The following SWT1 variants were observed in gnomAD, a reference collection of about 807,000 sequenced individuals.
SWT1 encodes transcriptional protein SWT1.
A neutral mutation model predicts 107.3 loss-of-function variants in SWT1; 33 were observed. The ratio of observed to expected loss-of-function variants is 0.31; its 90% CI spans 0.23 to 0.41. The LOEUF (loss-of-function observed/expected upper bound fraction) is 0.41, where lower values mean the gene tolerates loss of function less well. SWT1 is among the 10% of genes least tolerant of loss of function. SWT1 has a pLI of 1.00. For missense variants in SWT1, 898 were observed against 1,028.9 expected, an observed-to-expected ratio of 0.87 and a Z score of 1.74; for synonymous variants, 345 against 348.3, an observed-to-expected ratio of 0.99 and a Z score of 0.11.
Position 185,180,437 on chromosome 1 carries a change from A to G in SWT1, c.1013A>G (p.Asp338Gly), listed in dbSNP as rs1470682398. ...TCCGTGTCATCTGAAAGTATCCAGG[A>G]TGCAGATCAAGAGGTTATTGATATT... ...CCSVSSESIQ[D>G]ADQEMQIVEE... The change falls in exon 6 of 19, where the codon GAT becomes GGT. Residue 338 changes from aspartate to glycine, a missense_variant. This residue lies in a region of SWT1 where 94 missense variants were observed against 114.5 expected (regional missense o/e 0.82). Coordinates refer to ENST00000367500, the MANE Select transcript of SWT1 (RefSeq NM_017673.7). 4 of 1,612,096 alleles carry G rather than the reference A, an allele frequency of 2.5e-6. No homozygotes were observed. The highest frequency in any genetic ancestry group is 1.7e-6 in the Non-Finnish European group (2 of 1,178,210).
At chr1:185,260,413 C>T (rs1034759519) in intron 16 of SWT1, among the ~76,000 whole-genome samples, 2 of 151,992 alleles carry the variant, frequency 1.3e-5, no homozygotes, top group African/African-American at 4.8e-5. Flanking sequence ...AGAGGAGGAG[C>T]AGAAGGAAAT....
chr1:185,193,026 C>T (rs547050353), intron 10 of SWT1, among the ~76,000 whole-genome samples: 1 of 152,048 alleles, frequency 6.6e-6, no homozygotes, highest in South Asian at 2.1e-4. Flanking sequence ...TATTTGGTAC[C>T]GCTATAACTG....
intron 15 of SWT1, among the ~76,000 whole-genome samples, chr1:185,225,300 G>T (rs527801971): frequency 6.6e-6 from 1 of 152,058 alleles, no homozygotes; most frequent in Admixed American, 6.5e-5. Flanking sequence ...TAAATGTGTG[G>T]TTGGATTCAG....
At chr1:185,197,136 T>C (rs1203566175) in intron 10 of SWT1, among the ~76,000 whole-genome samples, 1 of 152,276 alleles carries the variant, frequency 6.6e-6, no homozygotes. Flanking sequence ...CATCTCAAAC[T>C]CGTTCCACCG....
intron 15 of SWT1, among the ~76,000 whole-genome samples, chr1:185,230,723 T>C (rs755035515): frequency 1.3e-5 from 2 of 150,904 alleles, no homozygotes; most frequent in Non-Finnish European, 2.9e-5. Context: ...TTTAATAGTT[T>C]GGTGTTTTGT....
At chr1:185,290,088 C>T (rs892334153) in intron 18 of SWT1, among the ~76,000 whole-genome samples, 5 of 151,820 alleles carry the variant, frequency 3.3e-5, no homozygotes, top group African/African-American at 4.8e-5. Flanking sequence ...CATAGTGAGA[C>T]CCTGTCTCTA....
intron 16 of SWT1, among the ~76,000 whole-genome samples, chr1:185,243,268 ACAG>A (rs1459839731): frequency 3.3e-5 from 5 of 151,886 alleles, no homozygotes; most frequent in Admixed American, 6.6e-5. Flanking sequence ...GCCACCACAC[ACAG>A]CCTATTTTTT....
chr1:185,214,373 A>C (rs1659056191), intron 13 of SWT1, 134 bp from the exon 14 acceptor site: 1 of 524,354 alleles, frequency 1.9e-6, no homozygotes, highest in African/African-American at 2.0e-5. Context: ...TACCAGAGGG[A>C]TAACTTAGGA....
At chr1:185,245,498 C>A (rs1371685379) in intron 16 of SWT1, among the ~76,000 whole-genome samples, 4 of 151,850 alleles carry the variant, frequency 2.6e-5, no homozygotes, top group Admixed American at 2.6e-4. Flanking sequence ...GGAATATACC[C>A]TAAAATAATA....
chr1:185,247,981 G>A (rs572522048), intron 16 of SWT1, among the ~76,000 whole-genome samples: 2 of 151,992 alleles, frequency 1.3e-5, no homozygotes, highest in South Asian at 4.2e-4. Flanking sequence ...AGTTATTTCA[G>A]GCTTTTTTGC....
intron 5 of SWT1, chr1:185,176,471 C>T: frequency 1.5e-6 from 1 of 682,262 alleles, no homozygotes; most frequent in Non-Finnish European, 1.8e-6. Flanking sequence ...AAGCTTGGCA[C>T]ATCTATTTTG....
Position 185,290,827 on chromosome 1 carries a change from A to G in SWT1, c.*24A>G. On this transcript the variant is annotated 3_prime_UTR_variant, in exon 19 of 19. Transcript: ENST00000367500. ...AAGTACTGATTTGTAACTTTAAAGGAATTGCATTTGTCCTTAAGAATAACA... is the reference window on the plus strand; with the variant it reads ...AAGTACTGATTTGTAACTTTAAAGGGATTGCATTTGTCCTTAAGAATAACA... The G allele has an allele frequency of 6.3e-7, 1 of 1,588,128 alleles. No individual in the cohort carries two copies. Among genetic ancestry groups the G allele is most frequent in the Non-Finnish European group, 8.6e-7 (1 of 1,165,982 alleles).
intron 16 of SWT1, chr1:185,264,257 C>T (rs1313140581): frequency 1.3e-5 from 8 of 613,136 alleles, no homozygotes; most frequent in Non-Finnish European, 1.6e-5. Context: ...ATATAGTAGA[C>T]ATCTTTTGCT....
chr1:185,180,949 G>A (rs947998249), intron 6 of SWT1, among the ~76,000 whole-genome samples: 3 of 152,084 alleles, frequency 2.0e-5, no homozygotes, highest in Non-Finnish European at 2.9e-5. Context: ...GATGAGATTC[G>A]TGGAACACTT....
rs139516173 is a variant in SWT1, at chr1:185,230,730, TTGTGTG to T, written c.2310-829_2310-824del. 1.1e-4 allele frequency among the ~76,000 whole-genome samples: 16 copies of T among 149,454 alleles called. No homozygotes were observed. In the East Asian group the frequency reaches 2.0e-3, roughly 18 times the overall value. ...AGCATCATTTTAATAGTTTGGTGTT[TTGTGTG>T]TGTGTGTGTGTGTGTGTTTGTTTTG... On this transcript the variant is annotated intron_variant, in intron 15 of 18. Transcript: ENST00000367500.
chr1:185,189,330 G>T (rs993648139), intron 9 of SWT1, among the ~76,000 whole-genome samples: 1 of 152,092 alleles, frequency 6.6e-6, no homozygotes, highest in Non-Finnish European at 1.5e-5. Flanking sequence ...GTTTTGAGGC[G>T]TAGAGAATGC....
chr1:185,212,538 C>T (rs990987798), intron 13 of SWT1, among the ~76,000 whole-genome samples: 5 of 152,084 alleles, frequency 3.3e-5, no homozygotes, highest in African/African-American at 1.2e-4. Flanking sequence ...TGATGCCTAA[C>T]GTTTAATGAG....
intron 6 of SWT1, among the ~76,000 whole-genome samples, chr1:185,181,461 G>C (rs555203597): frequency 5.9e-5 from 9 of 152,262 alleles, no homozygotes; most frequent in African/African-American, 2.2e-4. Flanking sequence ...ATGGTTTTAA[G>C]ATCTAGATTT....
At chr1:185,178,457 T>C (rs1655750368) in intron 5 of SWT1, among the ~76,000 whole-genome samples, 1 of 152,224 alleles carries the variant, frequency 6.6e-6, no homozygotes, top group South Asian at 2.1e-4. Context: ...GGAATCACTT[T>C]GGTAGATAGA....
Sources: allele counts gnomAD v4.1 joint callset (sites outside exome capture counted in the v4.1 genomes callset), GRCh38; gene constraint gnomAD v4.1.1; regional missense constraint gnomAD v4.1.1; transcripts MANE v1.5; gene names NCBI Gene and HGNC (gene_info 2026-07-23, HGNC 2026-07-21).